Variants in TET2 observed in about 807,000 individuals in gnomAD.
The protein encoded by TET2 is tet methylcytosine dioxygenase 2.
TET2 carries 299 observed loss-of-function variants against 142.9 expected under a neutral mutation model. The ratio of observed to expected loss-of-function variants is 2.09; its 90% confidence interval spans 1.90 to 2.30. The LOEUF is 2.30. TET2 is among the 30% of genes most tolerant of loss of function. The pLI is 0.00. For synonymous variants in TET2, 819 were observed against 849.0 expected, an observed-to-expected ratio of 0.96 and a Z score of 0.61; for missense variants, 2,418 against 2,378.0, an observed-to-expected ratio of 1.02 and a Z score of -0.35.
intron 4 of TET2, chr4:105,242,388 A>G (rs904300377): frequency 1.8e-6 from 2 of 1,082,240 alleles, no homozygotes; most frequent in Non-Finnish European, 1.1e-6. Context: ...GATACTAACT[A>G]TTTGCCAGCC....
At chr4:105,242,265 CT>C (rs1221163781) in intron 4 of TET2, 19 of 1,083,466 alleles carry the variant, frequency 1.8e-5, no homozygotes, top group East Asian at 5.1e-5. Flanking sequence ...CCCTAAGTGC[CT>C]TTTTTTTGTT....
rs554176398 is a variant in TET2 at position 105,240,184 on chromosome 4, A to C, written c.3410-1155A>C. On this transcript the variant is annotated intron_variant, in intron 3 of 10. Transcript: ENST00000380013. ...ACCAAAATGTGATACAGAGACATGA[A>C]GTGAGCACATGCTGTTGAAAAAAAT... 364 of 247,280 alleles carry C rather than the reference A, an allele frequency of 1.5e-3. 1 individual carries two copies. Among genetic ancestry groups the C allele is most frequent in the Non-Finnish European group, 1.6e-3 (194 of 121,680 alleles). 15.3% of individuals were successfully genotyped at this position (247,280 alleles called of 1,614,324 possible).
chr4:105,147,584 TC>T (rs200519368), intron 1 of TET2: 1 of 152,054 alleles, frequency 6.6e-6, no homozygotes, highest in Non-Finnish European at 1.5e-5. Flanking sequence ...GTTTTTTTTT[TC>T]CTTAAGTCCG....
rs763874158 is a variant in TET2 at position 105,275,326 on chromosome 4, G to C, written c.4816G>C (p.Gly1606Arg). The stretch of plus-strand genomic sequence containing the variant: ...CTATTCCACCTCATCTCAAGCTGCA[G>C]GTTCATATTTGAATTCTTCTAATCC... ...NFYSTSSQAA[G>R]SYLNSSNPMN... Residue 1606 changes from glycine to arginine, a missense_variant, in exon 11 of 11, where the codon GGT (glycine) becomes CGT (arginine). Coordinates refer to ENST00000380013, the MANE Select transcript of TET2 (RefSeq NM_001127208.3). 2.6e-6 allele frequency: 4 copies of C among 1,551,716 alleles called. No homozygotes were observed. Among genetic ancestry groups the C allele is most frequent in the East Asian group, 4.9e-5 (2 of 40,930 alleles).
intron 2 of TET2, among the ~76,000 whole-genome samples, chr4:105,203,658 G>T (rs754380156): frequency 6.6e-6 from 1 of 151,930 alleles, no homozygotes; most frequent in African/African-American, 2.4e-5. Flanking sequence ...GGAGTGCCTG[G>T]CTTTGGGAAA....
rs866522629 is a variant in TET2 at position 105,237,946 on chromosome 4, A to C, written c.3409+595A>C. 14 of 1,004,884 alleles carry C rather than the reference A, an allele frequency of 1.4e-5. No homozygotes were observed. In the African/African-American group the frequency reaches 2.1e-4, roughly 15 times the overall value. 62.2% of individuals were successfully genotyped at this position (1,004,884 alleles called of 1,614,324 possible). On this transcript the variant is annotated intron_variant, in intron 3 of 10. Transcript: ENST00000380013. ...ATTCATTTTGATTCCCTTTTCTCTA[A>C]AATTTCATCTTTTTGATTAAAAAAT...
chr4:105,157,652 C>T (rs904540632), intron 1 of TET2, among the ~76,000 whole-genome samples: 1 of 152,068 alleles, frequency 6.6e-6, no homozygotes, highest in African/African-American at 2.4e-5. Flanking sequence ...TGGTTACTAA[C>T]TGTGGGAACT....
At chr4:105,220,732 T>C (rs185511967) in intron 2 of TET2, among the ~76,000 whole-genome samples, 3 of 152,298 alleles carry the variant, frequency 2.0e-5, no homozygotes, top group African/African-American at 7.2e-5. Context: ...TTTCTTGACA[T>C]ATATGGAGCG....
Position 105,236,379 on chromosome 4 carries a change from A to G in TET2, c.2437A>G (p.Asn813Asp), listed in dbSNP as rs1329116428. 6.2e-7 allele frequency: 1 copy of G among 1,613,996 alleles called. No homozygotes were observed. ...QMGLEEVQNI[N>D]RRNSPYSQTM... is the part of the protein sequence containing the mutation. ...GGGACTGGAGGAAGTACAGAATATA[A>G]ATCGTAGAAATTCCCCTTATAGTCA... The change falls in exon 3 of 11, where the codon AAT becomes GAT. Residue 813 changes from asparagine to aspartate, a missense_variant. By Grantham distance (23) the Asn-to-Asp change is conservative. Coordinates refer to ENST00000380013, the MANE Select transcript of TET2 (RefSeq NM_001127208.3).
chr4:105,192,158 G>T (rs1278378913), intron 2 of TET2, among the ~76,000 whole-genome samples: 1 of 151,650 alleles, frequency 6.6e-6, no homozygotes, highest in Non-Finnish European at 1.5e-5. Context: ...TTAAGCCTGG[G>T]TAAGGAATAA....
At chr4:105,252,033 C>T (rs1234041225) in intron 6 of TET2, among the ~76,000 whole-genome samples, 1 of 152,256 alleles carries the variant, frequency 6.6e-6, no homozygotes, top group Admixed American at 6.5e-5. Context: ...CCTGCATTGA[C>T]AATTGTCGAT....
rs1731025228 is a variant in TET2 at position 105,272,698 on chromosome 4, A to G, written c.4317A>G (p.Lys1439=). Residue 1439 remains lysine (K), a synonymous_variant, in exon 10 of 11, where the codon AAA becomes AAG. Coordinates refer to ENST00000380013, the MANE Select transcript of TET2 (RefSeq NM_001127208.3). ...FGSVEAQEEK[K]RSGAIQVLSS... is the part of the protein sequence containing the mutation. Reference sequence around the variant, plus strand: ...GTGTGGAAGCTCAGGAGGAGAAAAAACGGAGTGGTGCCATTCAGGTACTGA... The same window carrying G: ...GTGTGGAAGCTCAGGAGGAGAAAAAGCGGAGTGGTGCCATTCAGGTACTGA... 1 of 1,551,716 alleles carries G rather than the reference A, an allele frequency of 6.4e-7. No homozygotes were observed. The highest frequency in any genetic ancestry group is 8.7e-7 in the Non-Finnish European group (1 of 1,146,992).
At chr4:105,212,772 C>T (rs1270722776) in intron 2 of TET2, among the ~76,000 whole-genome samples, 1 of 152,060 alleles carries the variant, frequency 6.6e-6, no homozygotes, top group Non-Finnish European at 1.5e-5. Context: ...GGTGGATCAC[C>T]TGAAGTCAGG....
intron 2 of TET2, among the ~76,000 whole-genome samples, chr4:105,221,722 T>G (rs1246235154): frequency 6.6e-6 from 1 of 152,070 alleles, no homozygotes; most frequent in East Asian, 1.9e-4. Flanking sequence ...TTTTATTTTT[T>G]TATTATTATA....
intron 3 of TET2, chr4:105,240,419 A>C: frequency 9.3e-7 from 1 of 1,073,364 alleles, no homozygotes; most frequent in East Asian, 5.2e-5. Flanking sequence ...ATATACGTGG[A>C]TAGAGATGAA....
intron 6 of TET2, among the ~76,000 whole-genome samples, chr4:105,247,622 G>T (rs954142594): frequency 4.3e-5 from 5 of 115,264 alleles, no homozygotes; most frequent in Non-Finnish European, 7.0e-5. Context: ...GGATTTGGCC[G>T]ATTTCATCTT....
intron 2 of TET2, among the ~76,000 whole-genome samples, chr4:105,192,682 G>T (rs2110486870): frequency 6.6e-6 from 1 of 152,294 alleles, no homozygotes; most frequent in Non-Finnish European, 1.5e-5. Context: ...TGGCATTAAT[G>T]AGTAAGAGGC....
chr4:105,189,427 C>G lies in TET2; in HGVS notation c.-192-933C>G, dbSNP rs574353453. On this transcript the variant is annotated intron_variant, in intron 1 of 10. Transcript: ENST00000380013. ...CCATTTTATCAAAACTCTTTAGATT[C>G]TGTTTCAAATCGGTCTTTCCAAAGT... is the stretch of plus-strand genomic sequence containing the variant. 1.8e-4 allele frequency among the ~76,000 whole-genome samples: 28 copies of G among 152,276 alleles called. No homozygotes were observed. In the East Asian group the frequency reaches 5.0e-3, roughly 27 times the overall value.
intron 2 of TET2, among the ~76,000 whole-genome samples, chr4:105,231,661 T>G (rs1327092020): frequency 6.6e-6 from 1 of 152,214 alleles, no homozygotes; most frequent in Non-Finnish European, 1.5e-5. Flanking sequence ...TTCATTTTTC[T>G]TGTTTATCAA....
Sources: gnomAD v4.1 joint callset for allele counts (sites outside exome capture counted in the v4.1 genomes callset) on GRCh38, gnomAD v4.1.1 for gene constraint, MANE v1.5 for transcripts, NCBI Gene and HGNC (gene_info 2026-07-23, HGNC 2026-07-21) for gene names.